EXT1: variants seen among roughly 807,000 people sequenced by gnomAD.
EXT1 encodes exostosin-1.
In EXT1, 20 loss-of-function variants were observed where a neutral mutation model predicts 82.5. That is an observed-to-expected ratio of 0.24 (90% CI 0.17 to 0.35). The LOEUF (loss-of-function observed/expected upper bound fraction) is 0.35, where lower values mean the gene tolerates loss of function less well. Ranked by LOEUF, EXT1 falls within the 10% of genes least tolerant of loss-of-function variation. EXT1 has a pLI of 1.00. For synonymous variants in EXT1, 348 were observed against 350.8 expected, an observed-to-expected ratio of 0.99 and a Z score of 0.09; for missense variants, 757 against 936.5, an observed-to-expected ratio of 0.81 and a Z score of 2.50.
In EXT1 at chr8:117,827,784, C is replaced by CAAAAAAAAAAAAAAA. The variant is rs768731740; in HGVS notation, c.1284+2431_1284+2445dup. 1.0e-3 allele frequency among the ~76,000 whole-genome samples: 54 copies of CAAAAAAAAAAAAAAA among 54,140 alleles called. 2 individuals carry two copies. The highest frequency in any genetic ancestry group is 4.1e-3 in the African/African-American group (51 of 12,558). The allele number at this position is 54,140 out of a possible 152,430, so 35.5% of individuals were successfully genotyped here. On this transcript the variant is annotated intron_variant, in intron 4 of 10. Coordinates refer to ENST00000378204, the MANE Select transcript of EXT1 (RefSeq NM_000127.3). ...TGGGGGACAGGGTGAGACTCTGTCTCAAAAAAAAAAAAAAAAAAAAAAAAA... is the reference window on the plus strand; with the variant it reads ...TGGGGGACAGGGTGAGACTCTGTCTCAAAAAAAAAAAAAAAAAAAAAAAAAAAAAAAAAAAAAAAA...
intron 1 of EXT1, among the ~76,000 whole-genome samples, chr8:117,987,484 G>T (rs1470077822): frequency 6.6e-6 from 1 of 152,202 alleles, no homozygotes; most frequent in Non-Finnish European, 1.5e-5. Flanking sequence ...GGCACTTCGT[G>T]GCTCACAGCC....
At position 118,111,409 on chromosome 8, in the gene EXT1, CAA is replaced by C; in HGVS notation, c.-365_-364del. 1 of 546,124 alleles carries C rather than the reference CAA, an allele frequency of 1.8e-6. No homozygotes were observed. The highest frequency in any genetic ancestry group is 2.7e-5 in the South Asian group (1 of 37,080). 33.8% of individuals were successfully genotyped at this position (546,124 alleles called of 1,614,324 possible). Reference sequence around the variant, plus strand: ...AAAGCTCCCGATACCCAATCAATGGCAAGACGAAGTGATTGCCTTGCCTCTCG... The same window carrying C: ...AAAGCTCCCGATACCCAATCAATGGCGACGAAGTGATTGCCTTGCCTCTCG... On this transcript the variant is annotated 5_prime_UTR_variant, in exon 1 of 11. Transcript: ENST00000378204.
At chr8:118,020,668 G>A (rs1232231190) in intron 1 of EXT1, among the ~76,000 whole-genome samples, 2 of 152,120 alleles carry the variant, frequency 1.3e-5, no homozygotes, top group East Asian at 3.9e-4. Context: ...GTGCCTGATC[G>A]AATAGTATTA....
At chr8:118,108,040 G>A (rs1817830182) in intron 1 of EXT1, among the ~76,000 whole-genome samples, 1 of 152,162 alleles carries the variant, frequency 6.6e-6, no homozygotes, top group Admixed American at 6.5e-5. Flanking sequence ...CAAAGTGTGG[G>A]TGTCATATTT....
At position 118,076,994 on chromosome 8, in the gene EXT1, G is replaced by C. The variant is rs144251122; in HGVS notation, c.962+33091C>G. ...GGGGTTGAAAATCAATCTCCAGACA[G>C]AATTTTCAATTAAAGAAACAACACA... On this transcript the variant is annotated intron_variant, in intron 1 of 10. Transcript: ENST00000378204. Among the ~76,000 whole-genome samples, 45 of 152,192 alleles carry C rather than the reference G, an allele frequency of 3.0e-4. No individual in the cohort carries two copies. In the East Asian group the frequency reaches 8.3e-3, roughly 28 times the overall value.
chr8:117,858,754 A>AGGCAGGC (rs1554581723), intron 1 of EXT1, among the ~76,000 whole-genome samples: 21 of 56,768 alleles, frequency 3.7e-4, no homozygotes, highest in Non-Finnish European at 7.5e-4. Context: ...GGAAGGAAGG[A>AGGCAGGC]AGGAAGGAAG....
chr8:117,852,776 C>T (rs1172031907), intron 1 of EXT1, among the ~76,000 whole-genome samples: 1 of 152,170 alleles, frequency 6.6e-6, no homozygotes. Context: ...ATTACGTACC[C>T]ACTAAGCACC....
At chr8:118,108,769 A>C (rs1226664491) in intron 1 of EXT1, among the ~76,000 whole-genome samples, 2 of 152,224 alleles carry the variant, frequency 1.3e-5, no homozygotes, top group Non-Finnish European at 1.5e-5. Context: ...AAAAATGCAC[A>C]GACGACAATC....
intron 1 of EXT1, among the ~76,000 whole-genome samples, chr8:117,870,435 A>C (rs2129889983): frequency 6.6e-6 from 1 of 150,614 alleles, no homozygotes; most frequent in African/African-American, 2.5e-5. Flanking sequence ...GGGGATACAA[A>C]GGTGATCCTC....
chr8:117,820,459 C>T (rs527446824), intron 5 of EXT1, among the ~76,000 whole-genome samples: 1 of 152,064 alleles, frequency 6.6e-6, no homozygotes, highest in South Asian at 2.1e-4. Context: ...GAGGCTGAGG[C>T]GGGCAGATCA....
intron 1 of EXT1, among the ~76,000 whole-genome samples, chr8:117,888,850 T>C (rs1369007597): frequency 6.6e-6 from 1 of 152,200 alleles, no homozygotes; most frequent in African/African-American, 2.4e-5. Flanking sequence ...CCTTAACTAT[T>C]ATAGTAAGTA....
intron 1 of EXT1, among the ~76,000 whole-genome samples, chr8:117,992,738 G>A (rs17431187): frequency 6.6e-6 from 1 of 152,306 alleles, no homozygotes; most frequent in Non-Finnish European, 1.5e-5. Context: ...GGGAGGCAGT[G>A]GAGATGGCTC....
chr8:117,980,742 T>C (rs1482662477), intron 1 of EXT1, among the ~76,000 whole-genome samples: 1 of 144,372 alleles, frequency 6.9e-6, no homozygotes, highest in African/African-American at 2.6e-5. Flanking sequence ...CCAGTGTGAG[T>C]TCTTCAGTGG....
At chr8:117,834,253 T>C (rs1044069931) in intron 3 of EXT1, among the ~76,000 whole-genome samples, 3 of 152,202 alleles carry the variant, frequency 2.0e-5, no homozygotes, top group Non-Finnish European at 4.4e-5. Flanking sequence ...GGGAAAGTGC[T>C]GTATTACTTC....
In EXT1 at chr8:117,795,038, C is replaced by G. The variant is rs1242329023; in HGVS notation, c.*4674G>C. The G allele has an allele frequency of 6.6e-6, 1 of 152,144 alleles. No individual in the cohort carries two copies. Among genetic ancestry groups the G allele is most frequent in the Non-Finnish European group, 1.5e-5 (1 of 68,014 alleles). 9.4% of individuals were successfully genotyped at this position (152,144 alleles called of 1,614,324 possible). A position where few individuals can be genotyped will look rare whatever the true frequency, so the allele number is the denominator to read the frequency against. On this transcript the variant is annotated 3_prime_UTR_variant, in exon 11 of 11. Transcript: ENST00000378204. ...GGGATGTATTCCTGTAGGAGAAGAA[C>G]AGAAAACTATTGCAGAAATCAAATG...
chr8:118,057,549 T>A (rs1430646819), intron 1 of EXT1, among the ~76,000 whole-genome samples: 11 of 147,416 alleles, frequency 7.5e-5, no homozygotes, highest in Admixed American at 6.8e-4. Flanking sequence ...CATCTTAATT[T>A]AAAAAAAAAG....
At chr8:118,087,692 T>G (rs530714117) in intron 1 of EXT1, among the ~76,000 whole-genome samples, 1 of 152,250 alleles carries the variant, frequency 6.6e-6, no homozygotes, top group African/African-American at 2.4e-5. Context: ...AAAAAATTTT[T>G]TAATAAAAGA....
intron 1 of EXT1, among the ~76,000 whole-genome samples, chr8:118,073,652 G>T (rs1001725130): frequency 7.9e-6 from 1 of 126,450 alleles, no homozygotes; most frequent in Admixed American, 8.9e-5. Context: ...GAGAAGAGAA[G>T]AGAAGAGAAG....
chr8:117,823,829 G>T (rs1811964565), intron 4 of EXT1, among the ~76,000 whole-genome samples: 1 of 152,128 alleles, frequency 6.6e-6, no homozygotes, highest in African/African-American at 2.4e-5. Context: ...GATCAAAACT[G>T]CTAATTTTAT....
Sources: gnomAD v4.1 joint callset for allele counts (sites outside exome capture counted in the v4.1 genomes callset) on GRCh38, gnomAD v4.1.1 for gene constraint, MANE v1.5 for transcripts, NCBI Gene and HGNC (gene_info 2026-07-23, HGNC 2026-07-21) for gene names.